POTEC: variants seen among roughly 807,000 people sequenced by gnomAD.
The protein encoded by POTEC is POTE ankyrin domain family member C, also known as ANKRD26-like family B member 2.
POTEC carries 35 observed loss-of-function variants against 62.0 expected under a neutral mutation model. That is an observed-to-expected ratio of 0.56 (90% confidence interval 0.43 to 0.75). The LOEUF (loss-of-function observed/expected upper bound fraction) is 0.75. Among genes scored for constraint, POTEC ranks in the 30% least tolerant of loss-of-function variants. POTEC has a pLI of 0.00. For synonymous variants in POTEC, 156 were observed against 221.5 expected (o/e 0.70, Z 2.62); for missense variants, 472 against 655.9 (o/e 0.72, Z 3.06).
intron 9 of POTEC, among the ~76,000 whole-genome samples, chr18:14,519,356 G>A (rs1030552486): frequency 1.4e-4 from 21 of 152,226 alleles, no homozygotes; most frequent in African/African-American, 5.1e-4. Context: ...ATAGAAATCT[G>A]GAATTAAGGA....
chr18:14,531,283 G>A (rs568865451), intron 5 of POTEC, among the ~76,000 whole-genome samples: 1 of 149,844 alleles, frequency 6.7e-6, no homozygotes, highest in Non-Finnish European at 1.5e-5. Context: ...TTGTGCTAAG[G>A]GCAGAAAAAC....
intron 9 of POTEC, among the ~76,000 whole-genome samples, chr18:14,521,310 C>G (rs1014127901): frequency 1.3e-5 from 2 of 152,118 alleles, no homozygotes; most frequent in African/African-American, 4.8e-5. Context: ...ACAAAATTAT[C>G]TTAAGATGTG....
At chr18:14,540,047 T>C (rs1224264838) in intron 1 of POTEC, among the ~76,000 whole-genome samples, 1 of 152,094 alleles carries the variant, frequency 6.6e-6, no homozygotes, top group East Asian at 1.9e-4. Context: ...CGATCATTTA[T>C]ATTTGCTATT....
chr18:14,511,604 C>G lies in POTEC; in HGVS notation c.*294G>C, dbSNP rs2143102415. ...ATGTTTGTTCTCTGGAAAGAAGTCC[C>G]TTTCAGCTATCTGACTTTGATCACA... On this transcript the variant is annotated 3_prime_UTR_variant, in exon 11 of 11. Coordinates refer to ENST00000358970, the MANE Select transcript of POTEC (RefSeq NM_001137671.2). 1.8e-5 allele frequency: 9 copies of G among 505,054 alleles called. No homozygotes were observed. Among genetic ancestry groups the G allele is most frequent in the Middle Eastern group, 5.2e-4 (1 of 1,908 alleles). The allele number at this position is 505,054 out of a possible 1,614,324, so 31.3% of individuals were successfully genotyped here.
rs779689185 is a variant in POTEC at position 14,511,963 on chromosome 18, G to A, written c.1564C>T (p.Leu522Phe). The change falls in exon 11 of 11, where the codon CTC becomes TTC. Residue 522 changes from leucine to phenylalanine, a missense_variant. By Grantham distance (22) the Leu-to-Phe change is conservative (BLOSUM62 0). Coordinates refer to ENST00000358970, the MANE Select transcript of POTEC (RefSeq NM_001137671.2). ...TGCAACATGCTGTTTTCACGCAAGAGATCTTCTTCTTTCTTATGACTAAGA... is the reference window on the plus strand; with the variant it reads ...TGCAACATGCTGTTTTCACGCAAGAAATCTTCTTCTTTCTTATGACTAAGA... ...LSLSHKKEEDLLRENSMLQEE... is the reference protein window; with the variant it reads ...LSLSHKKEEDFLRENSMLQEE... 3.1e-6 allele frequency: 5 copies of A among 1,613,676 alleles called. No individual in the cohort carries two copies. The highest frequency in any genetic ancestry group is 4.2e-6 in the Non-Finnish European group (5 of 1,179,766).
At chr18:14,536,759 G>A (rs1309512184) in intron 3 of POTEC, among the ~76,000 whole-genome samples, 1 of 152,132 alleles carries the variant, frequency 6.6e-6, no homozygotes, top group Non-Finnish European at 1.5e-5. Flanking sequence ...AAAGAGGAAA[G>A]AGTAGGAGAG....
intron 1 of POTEC, among the ~76,000 whole-genome samples, chr18:14,540,821 T>C (rs1289114206): frequency 6.6e-6 from 1 of 152,234 alleles, no homozygotes; most frequent in Non-Finnish European, 1.5e-5. Context: ...TAAGTACCAC[T>C]GTTCTTCACC....
intron 9 of POTEC, among the ~76,000 whole-genome samples, chr18:14,516,366 G>A (rs1910159583): frequency 1.1e-5 from 1 of 93,984 alleles, no homozygotes; most frequent in Non-Finnish European, 2.0e-5. Flanking sequence ...AATTCATAAA[G>A]GAAAGAGGCT....
intron 9 of POTEC, among the ~76,000 whole-genome samples, chr18:14,520,976 A>T (rs1175395887): frequency 6.6e-6 from 1 of 152,180 alleles, no homozygotes; most frequent in Non-Finnish European, 1.5e-5. Context: ...GTCTCAAAAA[A>T]AATAAATATA....
In POTEC at chr18:14,537,972, G is replaced by A. The variant is rs6650619; in HGVS notation, c.639C>T (p.Ala213=). The A allele has an allele frequency of 2.5e-3, 4,080 of 1,610,882 alleles. 100 individuals carry two copies. The African/African-American group carries it at 0.048, about 19-fold the overall frequency. The change falls in exon 3 of 11, where the codon GCC becomes GCT. Residue 213 remains alanine (A), a splice_region_variant and synonymous_variant. Transcript: ENST00000358970. ...DNKKRTALIK[A]VQCQEDECVL... is the part of the protein sequence containing the mutation. ...CACATTCATCTTCCTGGCATTGTAC[G>A]GCCTGTCAGTATTAGACCAAAAACA...
At chr18:14,518,038 A>T (rs772102966) in intron 9 of POTEC, among the ~76,000 whole-genome samples, 4 of 152,344 alleles carry the variant, frequency 2.6e-5, no homozygotes, top group African/African-American at 9.6e-5. Flanking sequence ...AAACAATTTT[A>T]AAAATGCACA....
At chr18:14,521,345 C>T (rs1299138008) in intron 9 of POTEC, among the ~76,000 whole-genome samples, 2 of 152,132 alleles carry the variant, frequency 1.3e-5, no homozygotes, top group Non-Finnish European at 2.9e-5. Context: ...GCTTTAAATA[C>T]ATTTTAATTG....
At chr18:14,516,332 A>C (rs78692786) in intron 9 of POTEC, among the ~76,000 whole-genome samples, 2 of 69,672 alleles carry the variant, frequency 2.9e-5, no homozygotes, top group South Asian at 5.3e-4. Context: ...ATATATATAT[A>C]TATACCTATA....
chr18:14,537,480 G>A (rs1905780423), intron 3 of POTEC, among the ~76,000 whole-genome samples: 1 of 151,200 alleles, frequency 6.6e-6, no homozygotes, highest in African/African-American at 2.4e-5. Flanking sequence ...CCTATTTCCA[G>A]GGCAAATTTT....
chr18:14,518,435 A>G (rs1342006694), intron 9 of POTEC, among the ~76,000 whole-genome samples: 2 of 152,130 alleles, frequency 1.3e-5, no homozygotes, highest in East Asian at 3.8e-4. Context: ...TTTTATTTGT[A>G]TATAAAAGTC....
intron 10 of POTEC, among the ~76,000 whole-genome samples, chr18:14,512,542 G>A (rs1211670795): frequency 3.3e-5 from 5 of 152,288 alleles, no homozygotes; most frequent in South Asian, 2.1e-4. Context: ...ACACATCTGC[G>A]TCTAAGCATT....
intron 1 of POTEC, among the ~76,000 whole-genome samples, chr18:14,542,061 C>T (rs1905951913): frequency 1.3e-5 from 2 of 151,628 alleles, no homozygotes; most frequent in Non-Finnish European, 2.9e-5. Flanking sequence ...TAAGACTTTG[C>T]TATTTTTATT....
chr18:14,528,787 C>T (rs1371670282), intron 6 of POTEC: 2 of 361,262 alleles, frequency 5.5e-6, no homozygotes, highest in Non-Finnish European at 1.1e-5. Flanking sequence ...AAGACCTACT[C>T]ATTTCTATAG....
chr18:14,513,578 A>G (rs1316528634), intron 10 of POTEC, 84 bp downstream of exon 10: 10 of 1,511,102 alleles, frequency 6.6e-6, no homozygotes, highest in Non-Finnish European at 8.9e-6. Flanking sequence ...TATGTGATTT[A>G]AAAATCCTTT....
Sources: allele counts gnomAD v4.1 joint callset (sites outside exome capture counted in the v4.1 genomes callset), GRCh38; gene constraint gnomAD v4.1.1; transcripts MANE v1.5; gene names NCBI Gene and HGNC (gene_info 2026-07-23, HGNC 2026-07-21).